The following EIF4EBP2 variants were observed in gnomAD, a reference collection of about 807,000 sequenced individuals.
The protein encoded by EIF4EBP2 is eukaryotic translation initiation factor 4E binding protein 2, also known as eukaryotic translation initiation factor 4E-binding protein 2.
Under a neutral mutation model 10.3 loss-of-function variants are expected in EIF4EBP2, and 5 were observed. The ratio of observed to expected loss-of-function variants is 0.48; its 90% CI spans 0.25 to 1.02. The LOEUF (loss-of-function observed/expected upper bound fraction) is 1.02, where lower values mean the gene tolerates loss of function less well. Ranked by LOEUF, EIF4EBP2 falls within the 50% of genes least tolerant of loss-of-function variation. EIF4EBP2 has a pLI of 0.15. For missense variants in EIF4EBP2, 188 were observed against 162.2 expected (o/e 1.16, Z -0.86); for synonymous variants, 67 against 61.1 (o/e 1.10, Z -0.45).
At chr10:70,406,196 C>T (rs1476537874) in intron 1 of EIF4EBP2, among the ~76,000 whole-genome samples, 3 of 152,166 alleles carry the variant, frequency 2.0e-5, no homozygotes, top group South Asian at 4.1e-4. Context: ...TGCCCAGGCT[C>T]GTCCTGGGCT....
chr10:70,417,478 A>G (rs913602755), intron 1 of EIF4EBP2, among the ~76,000 whole-genome samples: 7 of 152,226 alleles, frequency 4.6e-5, no homozygotes, highest in African/African-American at 1.7e-4. Context: ...CTGTAAGTGG[A>G]TCAATTGTAA....
At position 70,426,182 on chromosome 10, in the gene EIF4EBP2, T is replaced by C. The variant is rs1845204672; in HGVS notation, c.*4435T>C. The C allele has an allele frequency of 6.6e-6, 1 of 152,250 alleles. No homozygotes were observed. Among genetic ancestry groups the C allele is most frequent in the African/African-American group, 2.4e-5 (1 of 41,466 alleles). 9.4% of individuals were successfully genotyped at this position (152,250 alleles called of 1,614,324 possible). ...AAGACATTCTAGTGAATGGCTGCTA[T>C]GTGTTTCTGGCACTCATTCCTAACC... On this transcript the variant is annotated 3_prime_UTR_variant, in exon 3 of 3. Coordinates refer to ENST00000373218, the MANE Select transcript of EIF4EBP2 (RefSeq NM_004096.5).
At chr10:70,409,540 A>C (rs1233265092) in intron 1 of EIF4EBP2, among the ~76,000 whole-genome samples, 1 of 152,224 alleles carries the variant, frequency 6.6e-6, no homozygotes. Context: ...TGAGTCCCTC[A>C]AATTTAGTAT....
rs950639957 is a variant in EIF4EBP2 at position 70,423,165 on chromosome 10, A to G, written c.*1418A>G. On this transcript the variant is annotated 3_prime_UTR_variant, in exon 3 of 3. Transcript: ENST00000373218. ...ATATGTTTTCAGTACAATTTTGAAC[A>G]GCAACTTTTTAATTAAACATCTTCC... 1.3e-5 allele frequency: 2 copies of G among 152,652 alleles called. No homozygotes were observed. Among genetic ancestry groups the G allele is most frequent in the Admixed American group, 1.3e-4 (2 of 15,276 alleles). 9.5% of individuals were successfully genotyped at this position (152,652 alleles called of 1,614,324 possible). A position where few individuals can be genotyped will look rare whatever the true frequency, so the allele number is the denominator to read the frequency against.
chr10:70,426,705 T>A lies in EIF4EBP2; in HGVS notation c.*4958T>A, dbSNP rs184476460. On this transcript the variant is annotated 3_prime_UTR_variant, in exon 3 of 3. Transcript: ENST00000373218. Reference sequence around the variant, plus strand: ...GTTGAGGGAGCTATAAGAAAAGGATTCTTCTTCCAGAAGTAAAGAACTCAT... The same window carrying A: ...GTTGAGGGAGCTATAAGAAAAGGATACTTCTTCCAGAAGTAAAGAACTCAT... 7 of 152,358 alleles carry A rather than the reference T, an allele frequency of 4.6e-5. No homozygotes were observed. In the South Asian group the frequency reaches 6.2e-4, roughly 14 times the overall value. The allele number at this position is 152,358 out of a possible 1,614,324, so 9.4% of individuals were successfully genotyped here.
At position 70,411,338 on chromosome 10, in the gene EIF4EBP2, G is replaced by A. The variant is rs949302861; in HGVS notation, c.145+6792G>A. Among the ~76,000 whole-genome samples the A allele has an allele frequency of 4.6e-5, 7 of 151,458 alleles. No homozygotes were observed. The East Asian group carries it at 1.2e-3, about 25-fold the overall frequency. ...GGAACCACGTAGTAATTGTCCTTTC[G>A]TAAATGAACATTCATCAGTGTTCAT... On this transcript the variant is annotated intron_variant, in intron 1 of 2. Coordinates refer to ENST00000373218, the MANE Select transcript of EIF4EBP2 (RefSeq NM_004096.5).
Position 70,424,154 on chromosome 10 carries a change from G to A in EIF4EBP2, c.*2407G>A, listed in dbSNP as rs1845185414. The A allele has an allele frequency of 6.6e-6, 1 of 152,150 alleles. No homozygotes were observed. The highest frequency in any genetic ancestry group is 2.4e-5 in the African/African-American group (1 of 41,428). The allele number at this position is 152,150 out of a possible 1,614,324, so 9.4% of individuals were successfully genotyped here. Reference sequence around the variant, plus strand: ...GAAAACTTGGCTTCCTCACTGAACGGTGAGGAATGGATTTAAAGCATGAGC... The same window carrying A: ...GAAAACTTGGCTTCCTCACTGAACGATGAGGAATGGATTTAAAGCATGAGC... On this transcript the variant is annotated 3_prime_UTR_variant, in exon 3 of 3. Transcript: ENST00000373218.
intron 1 of EIF4EBP2, among the ~76,000 whole-genome samples, chr10:70,406,280 T>G (rs1240885893): frequency 6.6e-6 from 1 of 152,236 alleles, no homozygotes; most frequent in African/African-American, 2.4e-5. Flanking sequence ...GCCAAGATCT[T>G]GCTTTTTAAT....
rs1464720707 is a variant in EIF4EBP2 at position 70,426,580 on chromosome 10, G to T, written c.*4833G>T. ...GCGCGAGCCACCGCGCCTGGCCAAAGATGCAAATTCTTGTTTGGATTTATG... is the reference window on the plus strand; with the variant it reads ...GCGCGAGCCACCGCGCCTGGCCAAATATGCAAATTCTTGTTTGGATTTATG... On this transcript the variant is annotated 3_prime_UTR_variant, in exon 3 of 3. Transcript: ENST00000373218. 6.6e-6 allele frequency: 1 copy of T among 152,198 alleles called. No homozygotes were observed. The highest frequency in any genetic ancestry group is 1.5e-5 in the Non-Finnish European group (1 of 68,058). The allele number at this position is 152,198 out of a possible 1,614,324, so 9.4% of individuals were successfully genotyped here.
Position 70,427,627 on chromosome 10 carries a change from C to G in EIF4EBP2, c.*5880C>G, listed in dbSNP as rs1405337924. On this transcript the variant is annotated 3_prime_UTR_variant, in exon 3 of 3. Transcript: ENST00000373218. ...TAGATTTAGGAGAAGGCTTGAGTCC[C>G]TGTTCAGCGGGTCTGTGGATTCTCT... 6.6e-6 allele frequency: 1 copy of G among 152,268 alleles called. No homozygotes were observed. Among genetic ancestry groups the G allele is most frequent in the East Asian group, 1.9e-4 (1 of 5,186 alleles). 9.4% of individuals were successfully genotyped at this position (152,268 alleles called of 1,614,324 possible). A position where few individuals can be genotyped will look rare whatever the true frequency, so the allele number is the denominator to read the frequency against.
chr10:70,408,005 G>A (rs1844997338), intron 1 of EIF4EBP2, among the ~76,000 whole-genome samples: 2 of 97,820 alleles, frequency 2.0e-5, no homozygotes, highest in Non-Finnish European at 2.1e-5. Flanking sequence ...CCTCCCTCCC[G>A]GACGGGGCGG....
chr10:70,417,980 A>G (rs1282921467), intron 1 of EIF4EBP2, among the ~76,000 whole-genome samples: 2 of 152,214 alleles, frequency 1.3e-5, no homozygotes, highest in African/African-American at 2.4e-5. Flanking sequence ...GACTAGAAAC[A>G]CCAAGTTAGA....
chr10:70,420,915 C>T (rs1474060648), intron 2 of EIF4EBP2, among the ~76,000 whole-genome samples: 1 of 152,208 alleles, frequency 6.6e-6, no homozygotes, highest in African/African-American at 2.4e-5. Flanking sequence ...CTGCCTCAGC[C>T]TCCCAAGTAG....
Position 70,419,907 on chromosome 10 carries a change from T to G in EIF4EBP2, c.146-7T>G. The G allele has an allele frequency of 6.4e-7, 1 of 1,563,274 alleles. No homozygotes were observed. The highest frequency in any genetic ancestry group is 8.6e-7 in the Non-Finnish European group (1 of 1,157,276). On this transcript the variant is annotated splice_region_variant and splice_polypyrimidine_tract_variant and intron_variant, in intron 1 of 2. Transcript: ENST00000373218. The stretch of plus-strand genomic sequence containing the variant: ...TGTTTCAAACTCTTTTTAACCCTGT[T>G]TTCCAGGAACTCGAATCATTTATGA...
chr10:70,415,880 A>G (rs575900972), intron 1 of EIF4EBP2, among the ~76,000 whole-genome samples: 58 of 152,314 alleles, frequency 3.8e-4, no homozygotes, highest in South Asian at 1.2e-3. Flanking sequence ...AAAGAAAAAA[A>G]AAAAAACATA....
chr10:70,415,062 G>T (rs969755049), intron 1 of EIF4EBP2, among the ~76,000 whole-genome samples: 2 of 151,864 alleles, frequency 1.3e-5, no homozygotes, highest in African/African-American at 4.8e-5. Context: ...GGAGGCTGAG[G>T]CAGGAGGACC....
intron 1 of EIF4EBP2, among the ~76,000 whole-genome samples, chr10:70,407,689 G>A (rs560696123): frequency 1.3e-4 from 20 of 150,108 alleles, no homozygotes; most frequent in African/African-American, 2.7e-4. Flanking sequence ...CAGTAGGAGC[G>A]GCCGGGCAGA....
chr10:70,415,722 A>C (rs984302347), intron 1 of EIF4EBP2, among the ~76,000 whole-genome samples: 1 of 152,262 alleles, frequency 6.6e-6, no homozygotes, highest in Non-Finnish European at 1.5e-5. Context: ...ATATGCACAC[A>C]GAAAAACTGA....
rs1008018057 is a variant in EIF4EBP2 at position 70,426,889 on chromosome 10, C to G, written c.*5142C>G. On this transcript the variant is annotated 3_prime_UTR_variant, in exon 3 of 3. Coordinates refer to ENST00000373218, the MANE Select transcript of EIF4EBP2 (RefSeq NM_004096.5). Reference sequence around the variant, plus strand: ...TCCTTCATTCTCATTAGAATGCAGCCTGCTGAGTATGTGGGTTTCACTGCC... The same window carrying G: ...TCCTTCATTCTCATTAGAATGCAGCGTGCTGAGTATGTGGGTTTCACTGCC... 1.3e-5 allele frequency: 2 copies of G among 152,284 alleles called. No individual in the cohort carries two copies. The highest frequency in any genetic ancestry group is 2.9e-5 in the Non-Finnish European group (2 of 68,040). 9.4% of individuals were successfully genotyped at this position (152,284 alleles called of 1,614,324 possible). A position where few individuals can be genotyped will look rare whatever the true frequency, so the allele number is the denominator to read the frequency against.
Sources: gnomAD v4.1 joint callset for allele counts (sites outside exome capture counted in the v4.1 genomes callset) on GRCh38, gnomAD v4.1.1 for gene constraint, MANE v1.5 for transcripts, NCBI Gene and HGNC (gene_info 2026-07-23, HGNC 2026-07-21) for gene names.